Variants in AVPR1B observed in about 807,000 individuals in gnomAD.
AVPR1B encodes the protein arginine vasopressin receptor 1B.
A neutral mutation model predicts 27.5 loss-of-function variants in AVPR1B; 25 were observed. That is an observed-to-expected ratio of 0.91 (90% CI 0.66 to 1.27). The LOEUF (loss-of-function observed/expected upper bound fraction) is 1.27. Ranked by LOEUF, AVPR1B falls within the 50% of genes most tolerant of loss-of-function variation. The pLI, the probability that AVPR1B is intolerant of heterozygous loss-of-function variation, is 0.00. For missense variants in AVPR1B, 595 were observed against 556.9 expected, an observed-to-expected ratio of 1.07 and a Z score of -0.69; for synonymous variants, 248 against 240.2, an observed-to-expected ratio of 1.03 and a Z score of -0.30.
At chr1:206,115,365 T>C (rs1663446341) in intron 1 of AVPR1B, among the ~76,000 whole-genome samples, 1 of 152,266 alleles carries the variant, frequency 6.6e-6, no homozygotes, top group African/African-American at 2.4e-5. Flanking sequence ...CTTTGCTATT[T>C]GTGTGTGTCA....
At position 206,110,067 on chromosome 1, in the gene AVPR1B, C is replaced by T. The variant is rs33933482; in HGVS notation, c.*122G>A. 0.14 allele frequency: 170,356 copies of T among 1,208,700 alleles called. 15,430 individuals are homozygous for T. The highest frequency in any genetic ancestry group is 0.42 in the African/African-American group (27,159 of 64,834). The allele number at this position is 1,208,700 out of a possible 1,614,324, so 74.9% of individuals were successfully genotyped here. A position where few individuals can be genotyped will look rare whatever the true frequency, so the allele number is the denominator to read the frequency against. On this transcript the variant is annotated 3_prime_UTR_variant, in exon 2 of 2. Coordinates refer to ENST00000367126, the MANE Select transcript of AVPR1B (RefSeq NM_000707.5). ...GGGACCCATTCTGGCCTTTTCGCTC[C>T]GCTTTAGACAGGGCTCCTCTAACTC...
intron 1 of AVPR1B, among the ~76,000 whole-genome samples, chr1:206,114,415 C>T (rs2102339088): frequency 6.6e-6 from 1 of 152,298 alleles, no homozygotes; most frequent in South Asian, 2.1e-4. Context: ...TCAGCATGCA[C>T]TTGTCCTCAT....
chr1:206,109,953 G>A lies in AVPR1B; in HGVS notation c.*236C>T, dbSNP rs1443040843. The A allele has an allele frequency of 5.4e-6, 3 of 555,252 alleles. No individual in the cohort carries two copies. Among genetic ancestry groups the A allele is most frequent in the Non-Finnish European group, 9.6e-6 (3 of 312,928 alleles). 34.4% of individuals were successfully genotyped at this position (555,252 alleles called of 1,614,324 possible). On this transcript the variant is annotated 3_prime_UTR_variant, in exon 2 of 2. Transcript: ENST00000367126. ...GAATATGGCAGGACCAGGGAGACAG[G>A]CAGTTTGATTCTCCCTGACTGCCAG...
Position 206,108,887 on chromosome 1 carries a change from T to C in AVPR1B, c.*1302A>G, listed in dbSNP as rs1663323105. 6.6e-6 allele frequency among the ~76,000 whole-genome samples: 1 copy of C among 152,246 alleles called. No individual in the cohort carries two copies. Among genetic ancestry groups the C allele is most frequent in the Non-Finnish European group, 1.5e-5 (1 of 68,044 alleles). Reference sequence around the variant, plus strand: ...AGCCTCTCCCAGCCTTGGAGGAGGATTCAGCATCCCAGATGAGGACAAAAG... The same window carrying C: ...AGCCTCTCCCAGCCTTGGAGGAGGACTCAGCATCCCAGATGAGGACAAAAG... On this transcript the variant is annotated 3_prime_UTR_variant, in exon 2 of 2. Coordinates refer to ENST00000367126, the MANE Select transcript of AVPR1B (RefSeq NM_000707.5).
intron 1 of AVPR1B, among the ~76,000 whole-genome samples, chr1:206,115,228 G>C (rs940093995): frequency 9.9e-5 from 15 of 151,946 alleles, no homozygotes; most frequent in Non-Finnish European, 7.4e-5. Context: ...TAGGCAGCTC[G>C]GGGAAGAGAA....
rs913568638 is a variant in AVPR1B at position 206,109,424 on chromosome 1, C to A, written c.*765G>T. ...TTCTTGCTGTTAATTTTATGATGAC[C>A]ATTTTCATCTTCTCCTTCCCTCCCT... On this transcript the variant is annotated 3_prime_UTR_variant, in exon 2 of 2. Coordinates refer to ENST00000367126, the MANE Select transcript of AVPR1B (RefSeq NM_000707.5). Among the ~76,000 whole-genome samples, 1 of 152,116 alleles carries A rather than the reference C, an allele frequency of 6.6e-6. No homozygotes were observed. The highest frequency in any genetic ancestry group is 1.5e-5 in the Non-Finnish European group (1 of 68,020).
chr1:206,114,343 T>A (rs1398198795), intron 1 of AVPR1B, among the ~76,000 whole-genome samples: 1 of 152,162 alleles, frequency 6.6e-6, no homozygotes, highest in Non-Finnish European at 1.5e-5. Flanking sequence ...CATCCTGAGC[T>A]GTGCACACTA....
Position 206,116,540 on chromosome 1 carries a change from G to A in AVPR1B, c.351C>T (p.Ser117=). Residue 117 remains serine (S), a synonymous_variant, in exon 1 of 2, where the codon AGC becomes AGT. Coordinates refer to ENST00000367126, the MANE Select transcript of AVPR1B (RefSeq NM_000707.5). ...GCAGCATGTAGGTGGAGGCAAACATGCTGAGCACCTGCAGGTACTTGACGG... is the reference window on the plus strand; with the variant it reads ...GCAGCATGTAGGTGGAGGCAAACATACTGAGCACCTGCAGGTACTTGACGG... The part of the protein sequence containing the change: ...CRAVKYLQVL[S]MFASTYMLLA... The A allele has an allele frequency of 6.2e-7, 1 of 1,614,186 alleles. No homozygotes were observed. Among genetic ancestry groups the A allele is most frequent in the Non-Finnish European group, 8.5e-7 (1 of 1,180,028 alleles).
At chr1:206,113,400 G>A (rs1261926186) in intron 1 of AVPR1B, among the ~76,000 whole-genome samples, 3 of 152,190 alleles carry the variant, frequency 2.0e-5, no homozygotes, top group Non-Finnish European at 4.4e-5. Flanking sequence ...TGTGTGTACT[G>A]GAAAGCAAGT....
Position 206,117,182 on chromosome 1 carries a change from TGAGGCTTCTGG to T in AVPR1B, c.-303_-293del, listed in dbSNP as rs1663495390. The T allele has an allele frequency of 2.6e-6, 1 of 384,548 alleles. No individual in the cohort carries two copies. The highest frequency in any genetic ancestry group is 4.7e-6 in the Non-Finnish European group (1 of 213,922). 23.8% of individuals were successfully genotyped at this position (384,548 alleles called of 1,614,324 possible). A position where few individuals can be genotyped will look rare whatever the true frequency, so the allele number is the denominator to read the frequency against. ...GAAGAATGGGGGACGCTGTGCAGAG[TGAGGCTTCTGG>T]GAGGGAAAGAAGGCTGGGGAGGGGC... On this transcript the variant is annotated 5_prime_UTR_variant, in exon 1 of 2. Coordinates refer to ENST00000367126, the MANE Select transcript of AVPR1B (RefSeq NM_000707.5).
rs1005704550 is a variant in AVPR1B, at chr1:206,116,256, A to T, written c.635T>A (p.Val212Glu). 3 of 1,613,514 alleles carry T rather than the reference A, an allele frequency of 1.9e-6. No homozygotes were observed. In the African/African-American group the frequency reaches 4.0e-5, roughly 22 times the overall value. The part of the protein sequence containing the change: ...WTTLAIFVLP[V>E]TMLTACYSLI... Reference sequence around the variant, plus strand: ...GCTGTAGCAGGCCGTGAGCATGGTCACCGGCAGAACGAAGATAGCCAGGGT... The same window carrying T: ...GCTGTAGCAGGCCGTGAGCATGGTCTCCGGCAGAACGAAGATAGCCAGGGT... Residue 212 changes from valine (V) to glutamate (E), a missense_variant, in exon 1 of 2, where the codon GTG (valine) becomes GAG (glutamate). Transcript: ENST00000367126.
At chr1:206,112,376 G>C (rs34105497) in intron 1 of AVPR1B, among the ~76,000 whole-genome samples, 10,449 of 152,154 alleles carry the variant, frequency 0.069, 1,026 homozygotes, top group African/African-American at 0.22. Context: ...TCCCTTCTCT[G>C]TCTTGTCCTT....
Position 206,110,364 on chromosome 1 carries a change from A to C in AVPR1B, c.1100T>G (p.Leu367Arg). Residue 367 changes from leucine to arginine, a missense_variant, in exon 2 of 2, where the codon CTC becomes CGC. By Grantham distance (102) the Leu-to-Arg change is moderately radical. Transcript: ENST00000367126. ...GCGGCTCGAGAGGCTGCCGTCGGAG[A>C]GCCGCCGGCGCATCCTGGGCTGGGG... ...GGPQPRMRRR[L>R]SDGSLSSRHT... The C allele has an allele frequency of 6.2e-7, 1 of 1,609,652 alleles. No individual in the cohort carries two copies. Among genetic ancestry groups the C allele is most frequent in the Non-Finnish European group, 8.5e-7 (1 of 1,178,512 alleles).
Position 206,109,508 on chromosome 1 carries a change from C to CCT in AVPR1B, c.*680_*681insAG, listed in dbSNP as rs33975968. 0.27 allele frequency among the ~76,000 whole-genome samples: 40,643 copies of CCT among 151,796 alleles called. 7,609 individuals are homozygous for CCT. The highest frequency in any genetic ancestry group is 0.54 in the African/African-American group (22,143 of 41,258). ...CCACAGAGAATATACAACACTTTCC[C>CCT]GTCATCCACGCTGTCATGGGGGGTG... On this transcript the variant is annotated 3_prime_UTR_variant, in exon 2 of 2. Coordinates refer to ENST00000367126, the MANE Select transcript of AVPR1B (RefSeq NM_000707.5).
At chr1:206,115,590 G>A (rs1663449603) in intron 1 of AVPR1B, among the ~76,000 whole-genome samples, 1 of 152,222 alleles carries the variant, frequency 6.6e-6, no homozygotes, top group African/African-American at 2.4e-5. Context: ...GGCTGAGAGA[G>A]CAAGTTCATG....
rs1663325426 is a variant in AVPR1B, at chr1:206,109,015, G to T, written c.*1174C>A. Among the ~76,000 whole-genome samples the T allele has an allele frequency of 6.6e-6, 1 of 152,204 alleles. No homozygotes were observed. The highest frequency in any genetic ancestry group is 2.1e-4 in the South Asian group (1 of 4,828). ...TGCAACAACTCTTCTAGACCCTGTTGGTTATAATATCCTTTGTGTTTCTCT... is the reference window on the plus strand; with the variant it reads ...TGCAACAACTCTTCTAGACCCTGTTTGTTATAATATCCTTTGTGTTTCTCT... On this transcript the variant is annotated 3_prime_UTR_variant, in exon 2 of 2. Coordinates refer to ENST00000367126, the MANE Select transcript of AVPR1B (RefSeq NM_000707.5).
At chr1:206,115,852 C>T (rs1663456474) in intron 1 of AVPR1B, 99 bp downstream of exon 1, 5 of 1,237,234 alleles carry the variant, frequency 4.0e-6, no homozygotes, top group South Asian at 1.7e-5. Flanking sequence ...ACTAGTTTGT[C>T]ACCTGCCTGG....
In AVPR1B at chr1:206,107,303, G is replaced by A. The variant is rs1204033364; in HGVS notation, c.*2886C>T. Among the ~76,000 whole-genome samples the A allele has an allele frequency of 6.6e-6, 1 of 152,182 alleles. No individual in the cohort carries two copies. Among genetic ancestry groups the A allele is most frequent in the Non-Finnish European group, 1.5e-5 (1 of 68,036 alleles). ...CATTGTTCAGTTTCTCCTGGGGTTA[G>A]CCGTCAGAAATGGGATTCACCCCAG... On this transcript the variant is annotated 3_prime_UTR_variant, in exon 2 of 2. Transcript: ENST00000367126.
rs1293171465 is a variant in AVPR1B at position 206,108,841 on chromosome 1, C to A, written c.*1348G>T. On this transcript the variant is annotated 3_prime_UTR_variant, in exon 2 of 2. Coordinates refer to ENST00000367126, the MANE Select transcript of AVPR1B (RefSeq NM_000707.5). Reference sequence around the variant, plus strand: ...GAGCATGTGCCATGCTCTTCCTCTACCTCGGTCTACCTTGGCCTGCAGCCT... The same window carrying A: ...GAGCATGTGCCATGCTCTTCCTCTAACTCGGTCTACCTTGGCCTGCAGCCT... 6.6e-6 allele frequency among the ~76,000 whole-genome samples: 1 copy of A among 152,226 alleles called. No individual in the cohort carries two copies. The highest frequency in any genetic ancestry group is 1.5e-5 in the Non-Finnish European group (1 of 68,052).
Sources: allele counts gnomAD v4.1 joint callset (sites outside exome capture counted in the v4.1 genomes callset), GRCh38; gene constraint gnomAD v4.1.1; transcripts MANE v1.5; gene names NCBI Gene and HGNC (gene_info 2026-07-23, HGNC 2026-07-21).